Variants in GUCY1B1 observed in about 807,000 individuals in gnomAD.
The protein encoded by GUCY1B1 is guanylate cyclase soluble subunit beta-1.
GUCY1B1 carries 43 observed loss-of-function variants against 71.0 expected under a neutral mutation model. The observed-to-expected ratio is 0.61, with a 90% CI of 0.47 to 0.78. The LOEUF is 0.78. GUCY1B1 is among the 30% of genes least tolerant of loss of function. The probability of loss-of-function intolerance (pLI) is 0.00; values close to 1 mark genes in which losing one functional copy is unlikely to be tolerated. For missense variants in GUCY1B1, 535 were observed against 754.1 expected (o/e 0.71, Z 3.40); for synonymous variants, 266 against 259.7 (o/e 1.02, Z -0.23).
In GUCY1B1 at chr4:155,786,696, A is replaced by C. The variant is rs1738819061; in HGVS notation, c.298-3018A>C. ...CACCGTGTTAGCCAGGATGGTCTTGATCTCCTGACCTTGTGATCCGCCCGC... is the reference window on the plus strand; with the variant it reads ...CACCGTGTTAGCCAGGATGGTCTTGCTCTCCTGACCTTGTGATCCGCCCGC... On this transcript the variant is annotated intron_variant, in intron 4 of 13. Transcript: ENST00000264424. Among the ~76,000 whole-genome samples the C allele has an allele frequency of 2.7e-5, 4 of 150,678 alleles. No individual in the cohort carries two copies. In the South Asian group the frequency reaches 8.4e-4, roughly 32 times the overall value.
At chr4:155,793,506 T>C (rs1739326855) in intron 5 of GUCY1B1, among the ~76,000 whole-genome samples, 1 of 152,264 alleles carries the variant, frequency 6.6e-6, no homozygotes, top group Non-Finnish European at 1.5e-5. Flanking sequence ...TTGATAGTGC[T>C]AGCTTGCTTT....
chr4:155,760,976 A>C (rs1489445286), intron 2 of GUCY1B1, among the ~76,000 whole-genome samples: 3 of 152,218 alleles, frequency 2.0e-5, no homozygotes, highest in Non-Finnish European at 4.4e-5. Flanking sequence ...GATTTCTCAT[A>C]ACGATCTGTT....
intron 10 of GUCY1B1, 88 bp from the exon 11 acceptor site, chr4:155,803,536 A>G: frequency 2.2e-6 from 2 of 902,402 alleles, no homozygotes; most frequent in African/African-American, 1.7e-5. Flanking sequence ...TTGCTGGTAG[A>G]CTTGAAAAAA....
intron 9 of GUCY1B1, 59 bp downstream of exon 9, chr4:155,800,133 A>G (rs1038427390): frequency 3.3e-6 from 4 of 1,201,464 alleles, no homozygotes; most frequent in East Asian, 2.5e-5. Flanking sequence ...ACTCTACTAT[A>G]TTTAAGTTTG....
chr4:155,800,188 A>G (rs753569052), intron 9 of GUCY1B1, 114 bp downstream of exon 9: 9 of 568,656 alleles, frequency 1.6e-5, no homozygotes, highest in Admixed American at 3.6e-5. Context: ...GCTCTGGTGT[A>G]GTAAATAAAA....
At position 155,802,261 on chromosome 4, in the gene GUCY1B1, G is replaced by A. The variant is rs1171526316; in HGVS notation, c.1176-81G>A. The stretch of plus-strand genomic sequence containing the variant: ...CCTTTAAAGTACAAACGACACTGAT[G>A]CTGTGTGAAAAGGACAGCAGAAGCA... On this transcript the variant is annotated intron_variant, in intron 9 of 13. Coordinates refer to ENST00000264424, the MANE Select transcript of GUCY1B1 (RefSeq NM_000857.5). This position sits in a 1 kb window ranked among gnomAD's most constrained non-coding sequence, Gnocchi z 4.3. 1.0e-5 allele frequency: 16 copies of A among 1,582,974 alleles called. No individual in the cohort carries two copies. Among genetic ancestry groups the A allele is most frequent in the Non-Finnish European group, 1.2e-5 (14 of 1,166,166 alleles).
At chr4:155,777,794 G>A (rs1444360140) in intron 4 of GUCY1B1, among the ~76,000 whole-genome samples, 152 bp downstream of exon 4, 2 of 152,084 alleles carry the variant, frequency 1.3e-5, no homozygotes, top group Non-Finnish European at 2.9e-5. Flanking sequence ...TAAAATCATC[G>A]TTATTGGAGC....
intron 11 of GUCY1B1, 98 bp downstream of exon 11, chr4:155,803,862 AG>A (rs1339033640): frequency 2.7e-6 from 2 of 727,310 alleles, no homozygotes; most frequent in Non-Finnish European, 4.2e-6. Context: ...TGTATAAAGA[AG>A]GGCATCTTGA....
chr4:155,759,311 A>G, intron 1 of GUCY1B1, 168 bp downstream of exon 1: 3 of 645,058 alleles, frequency 4.7e-6, no homozygotes, highest in East Asian at 3.2e-5. Flanking sequence ...GGAGGTGGGA[A>G]CGCCGCGAGT....
intron 2 of GUCY1B1, among the ~76,000 whole-genome samples, chr4:155,768,536 C>A (rs964054378): frequency 1.4e-5 from 2 of 140,674 alleles, no homozygotes; most frequent in African/African-American, 5.2e-5. Flanking sequence ...AATTTTTAAA[C>A]ATGTATACCT....
At chr4:155,759,167 G>T (rs1416628630) in intron 1 of GUCY1B1, 24 bp downstream of exon 1, 2 of 1,570,004 alleles carry the variant, frequency 1.3e-6, no homozygotes, top group African/African-American at 1.4e-5. Context: ...GCCGGGTGCG[G>T]CCCGAACCTC....
intron 5 of GUCY1B1, among the ~76,000 whole-genome samples, chr4:155,792,805 G>A (rs1159355061): frequency 6.6e-6 from 1 of 152,086 alleles, no homozygotes; most frequent in African/African-American, 2.4e-5. Context: ...CCAAAAAGAA[G>A]AGGAAAATCT....
intron 11 of GUCY1B1, 124 bp from the exon 12 acceptor site, chr4:155,804,469 T>C (rs1360964759): frequency 2.9e-6 from 2 of 700,420 alleles, no homozygotes; most frequent in Non-Finnish European, 4.9e-6. Flanking sequence ...CCATGGCACA[T>C]ATATACCTAT....
At chr4:155,800,424 C>T (rs1739864192) in intron 9 of GUCY1B1, among the ~76,000 whole-genome samples, 1 of 152,220 alleles carries the variant, frequency 6.6e-6, no homozygotes, top group Non-Finnish European at 1.5e-5. Context: ...TATTGACCAT[C>T]TTCAGTATGC....
intron 2 of GUCY1B1, among the ~76,000 whole-genome samples, chr4:155,761,852 T>A (rs1055654906): frequency 3.3e-5 from 5 of 152,222 alleles, no homozygotes; most frequent in South Asian, 2.1e-4. Context: ...CTGGTAAAAA[T>A]GAAACAAGTT....
At chr4:155,765,306 T>A (rs1228741685) in intron 2 of GUCY1B1, among the ~76,000 whole-genome samples, 2 of 152,144 alleles carry the variant, frequency 1.3e-5, no homozygotes, top group Non-Finnish European at 2.9e-5. Context: ...CAGACATCAA[T>A]AGGAAAACAC....
chr4:155,799,570 C>T (rs1739802821), intron 8 of GUCY1B1, among the ~76,000 whole-genome samples: 3 of 152,106 alleles, frequency 2.0e-5, no homozygotes, highest in Admixed American at 2.0e-4. Flanking sequence ...TAAATTACAG[C>T]CTGTGTTAAA....
At chr4:155,760,413 T>C (rs1736915004) in intron 2 of GUCY1B1, among the ~76,000 whole-genome samples, 1 of 151,402 alleles carries the variant, frequency 6.6e-6, no homozygotes, top group African/African-American at 2.4e-5. Flanking sequence ...TTTCCCCAAA[T>C]CCCACTGCCC....
intron 4 of GUCY1B1, among the ~76,000 whole-genome samples, chr4:155,786,538 C>T (rs1468820595): frequency 4.1e-5 from 5 of 122,424 alleles, no homozygotes; most frequent in African/African-American, 1.3e-4. Flanking sequence ...GGCGAGATTT[C>T]GGCTCACTGC....
Sources: allele counts gnomAD v4.1 joint callset (sites outside exome capture counted in the v4.1 genomes callset), GRCh38; gene constraint gnomAD v4.1.1; non-coding constraint Gnocchi (gnomAD v3.1); transcripts MANE v1.5; gene names NCBI Gene and HGNC (gene_info 2026-07-23, HGNC 2026-07-21).